PDGFC: variants seen among roughly 807,000 people sequenced by gnomAD.
PDGFC encodes platelet-derived growth factor C.
PDGFC carries 12 observed loss-of-function variants against 35.5 expected under a neutral mutation model. That is an observed-to-expected ratio of 0.34 (90% confidence interval 0.22 to 0.55). The LOEUF (loss-of-function observed/expected upper bound fraction) is 0.55. Among genes scored for constraint, PDGFC ranks in the 20% least tolerant of loss-of-function variants. The pLI, the probability that PDGFC is intolerant of heterozygous loss-of-function variation, is 0.91. For missense variants in PDGFC, 322 were observed against 412.4 expected (o/e 0.78, Z 1.90); for synonymous variants, 159 against 148.8 (o/e 1.07, Z -0.50).
chr4:156,968,121 A>G (rs1425673195), intron 1 of PDGFC, among the ~76,000 whole-genome samples: 1 of 152,190 alleles, frequency 6.6e-6, no homozygotes, highest in East Asian at 1.9e-4. Context: ...TACAGCAATC[A>G]ATTTCCAATT....
At chr4:156,907,537 T>C (rs183076013) in intron 1 of PDGFC, among the ~76,000 whole-genome samples, 5 of 152,288 alleles carry the variant, frequency 3.3e-5, no homozygotes, top group African/African-American at 9.6e-5. Context: ...TCTAGAGACA[T>C]TGAGGGCCCC....
At chr4:156,770,099 CA>C (rs1252121297) in intron 4 of PDGFC, 1 of 151,922 alleles carries the variant, frequency 6.6e-6, no homozygotes, top group Admixed American at 6.6e-5. Flanking sequence ...ACAGATTTCC[CA>C]AGTGAACTTA....
chr4:156,773,864 A>G (rs1218025687), intron 3 of PDGFC: 1 of 152,176 alleles, frequency 6.6e-6, no homozygotes, highest in Non-Finnish European at 1.5e-5. Context: ...AATATGTTCA[A>G]TGATTAGAAA....
rs1042671617 is a variant in PDGFC at position 156,827,372 on chromosome 4, A to G, written c.315-16355T>C. On this transcript the variant is annotated intron_variant, in intron 2 of 5. Coordinates refer to ENST00000502773, the MANE Select transcript of PDGFC (RefSeq NM_016205.3). Reference sequence around the variant, plus strand: ...GCAGAGGTTGCAGTGAGGGGAGATCACGCCACTGCACTCCAGCCTGGGTGA... The same window carrying G: ...GCAGAGGTTGCAGTGAGGGGAGATCGCGCCACTGCACTCCAGCCTGGGTGA... 5.0e-4 allele frequency among the ~76,000 whole-genome samples: 75 copies of G among 151,414 alleles called. 2 individuals are homozygous for G. The highest frequency in any genetic ancestry group is 1.5e-5 in the Non-Finnish European group (1 of 67,916).
intron 2 of PDGFC, among the ~76,000 whole-genome samples, chr4:156,813,994 G>A (rs981070927): frequency 6.6e-6 from 1 of 152,076 alleles, no homozygotes; most frequent in Non-Finnish European, 1.5e-5. Flanking sequence ...AGTAAACGCT[G>A]TGTCAGTATT....
chr4:156,784,068 C>G (rs540544900), intron 3 of PDGFC, among the ~76,000 whole-genome samples: 1 of 152,066 alleles, frequency 6.6e-6, no homozygotes, highest in South Asian at 2.1e-4. Flanking sequence ...TGTATTGACA[C>G]GCATATATCC....
chr4:156,798,453 T>G (rs188443521), intron 3 of PDGFC, among the ~76,000 whole-genome samples: 1 of 152,280 alleles, frequency 6.6e-6, no homozygotes, highest in East Asian at 1.9e-4. Flanking sequence ...GAATGGCAAG[T>G]GAACCTCTTT....
intron 2 of PDGFC, among the ~76,000 whole-genome samples, chr4:156,848,654 T>C (rs1294565015): frequency 3.3e-5 from 5 of 152,028 alleles, no homozygotes; most frequent in Non-Finnish European, 7.4e-5. Flanking sequence ...TATTACTCCA[T>C]TGATACATAT....
intron 4 of PDGFC, 84 bp downstream of exon 4, chr4:156,772,602 C>T (rs921680190): frequency 1.2e-6 from 1 of 803,362 alleles, no homozygotes; most frequent in South Asian, 1.7e-5. Flanking sequence ...TTAAACTCTA[C>T]CCTTTAGAAG....
At position 156,775,326 on chromosome 4, in the gene PDGFC, G is replaced by T. The variant is rs192958475; in HGVS notation, c.496-2433C>A. On this transcript the variant is annotated intron_variant, in intron 3 of 5. Transcript: ENST00000502773. The stretch of plus-strand genomic sequence containing the variant: ...ATGTTTTATAAAGTAAAAATTAAGG[G>T]GTCAATAATAGTCAAAGAATCAGTA... Among the ~76,000 whole-genome samples the T allele has an allele frequency of 1.2e-3, 175 of 151,966 alleles. 1 individual carries two copies. Among genetic ancestry groups the T allele is most frequent in the Non-Finnish European group, 3.2e-4 (22 of 67,956 alleles).
intron 1 of PDGFC, among the ~76,000 whole-genome samples, chr4:156,965,591 G>C (rs1268286659): frequency 2.6e-5 from 4 of 152,018 alleles, no homozygotes; most frequent in African/African-American, 7.2e-5. Context: ...ATCCATGCAA[G>C]AGCAGCTGGT....
intron 1 of PDGFC, chr4:156,886,704 T>G (rs181508911): frequency 6.6e-6 from 1 of 152,312 alleles, no homozygotes; most frequent in African/African-American, 2.4e-5. Context: ...CTGTGACCAA[T>G]AATGGAGAAC....
In PDGFC at chr4:156,763,030, CT is replaced by C. The variant is rs1160865869; in HGVS notation, c.*59del. 6 of 850,358 alleles carry C rather than the reference CT, an allele frequency of 7.1e-6. No homozygotes were observed. The highest frequency in any genetic ancestry group is 1.2e-5 in the Non-Finnish European group (6 of 486,540). 52.7% of individuals were successfully genotyped at this position (850,358 alleles called of 1,614,324 possible). A position where few individuals can be genotyped will look rare whatever the true frequency, so the allele number is the denominator to read the frequency against. The stretch of plus-strand genomic sequence containing the variant: ...AGGATGGAGATAACGCATACGTTCT[CT>C]AATAGAATCAGCCACTGCACTGCAC... On this transcript the variant is annotated 3_prime_UTR_variant, in exon 6 of 6. Coordinates refer to ENST00000502773, the MANE Select transcript of PDGFC (RefSeq NM_016205.3).
At chr4:156,924,601 G>C (rs1022342837) in intron 1 of PDGFC, among the ~76,000 whole-genome samples, 1 of 152,076 alleles carries the variant, frequency 6.6e-6, no homozygotes, top group Non-Finnish European at 1.5e-5. Flanking sequence ...AATGCAAAAA[G>C]TTTATTAGGG....
At chr4:156,800,775 T>C (rs983462328) in intron 3 of PDGFC, among the ~76,000 whole-genome samples, 1 of 152,162 alleles carries the variant, frequency 6.6e-6, no homozygotes. Flanking sequence ...TGTGAGAAGA[T>C]TATGACAGTG....
intron 1 of PDGFC, among the ~76,000 whole-genome samples, chr4:156,935,804 C>T (rs1731666571): frequency 1.3e-5 from 2 of 151,934 alleles, no homozygotes; most frequent in Non-Finnish European, 2.9e-5. Context: ...CTTTACAGAC[C>T]ATCAATACCA....
chr4:156,850,284 A>G lies in PDGFC; in HGVS notation c.251T>C (p.Val84Ala). ...VWRLVAVEENVWIQLTFDERF... is the reference protein window; with the variant it reads ...VWRLVAVEENAWIQLTFDERF... The stretch of plus-strand genomic sequence containing the variant: ...TTCATCAAACGTAAGTTGTATCCAT[A>G]CATTTTCCTCTACTGCTACTAATCT... The change falls in exon 2 of 6, where the codon GTA (valine) becomes GCA (alanine). Residue 84 changes from valine to alanine, a missense_variant. Transcript: ENST00000502773. 6.2e-7 allele frequency: 1 copy of G among 1,610,210 alleles called. No homozygotes were observed. The highest frequency in any genetic ancestry group is 8.5e-7 in the Non-Finnish European group (1 of 1,177,706).
intron 1 of PDGFC, among the ~76,000 whole-genome samples, chr4:156,921,774 A>G (rs1032736874): frequency 2.0e-5 from 3 of 152,098 alleles, no homozygotes; most frequent in Non-Finnish European, 4.4e-5. Context: ...CCAAACAAAC[A>G]CAGATAACTG....
At chr4:156,832,537 C>G (rs749693149) in intron 2 of PDGFC, among the ~76,000 whole-genome samples, 1 of 152,146 alleles carries the variant, frequency 6.6e-6, no homozygotes, top group Non-Finnish European at 1.5e-5. Flanking sequence ...TTATAGGTGT[C>G]AGCCACCATG....
Sources: allele counts gnomAD v4.1 joint callset (sites outside exome capture counted in the v4.1 genomes callset), GRCh38; gene constraint gnomAD v4.1.1; transcripts MANE v1.5; gene names NCBI Gene and HGNC (gene_info 2026-07-23, HGNC 2026-07-21).